The following PHF24 variants were observed in gnomAD, a reference collection of about 807,000 sequenced individuals.
The protein encoded by PHF24 is Galpha inhibitory interacting protein.
A neutral mutation model predicts 42.6 loss-of-function variants in PHF24; 25 were observed. That is an observed-to-expected ratio of 0.59 (90% confidence interval 0.43 to 0.82). The LOEUF is 0.82. Ranked by LOEUF, PHF24 falls within the 40% of genes least tolerant of loss-of-function variation. PHF24 has a pLI of 0.00. For synonymous variants in PHF24, 185 were observed against 204.8 expected (o/e 0.90, Z 0.83); for missense variants, 470 against 538.1 (o/e 0.87, Z 1.25).
At chr9:34,957,887 G>A (rs1290226010), upstream of PHF24, among the ~76,000 whole-genome samples, 1 of 151,056 alleles carries the variant, frequency 6.6e-6, no homozygotes, top group African/African-American at 2.4e-5. Context: ...CCCCCAAGGC[G>A]CCCCCTCCGG....
the PHF24 span, among the ~76,000 whole-genome samples, chr9:34,886,781 TA>T: frequency 7.6e-3 from 1,013 of 132,486 alleles, 1 homozygote; most frequent in African/African-American, 0.016. Flanking sequence ...TCTGTCTGTC[TA>T]CTCTGTCTAT....
the PHF24 span, among the ~76,000 whole-genome samples, chr9:34,788,180 G>A: frequency 2.6e-5 from 4 of 152,152 alleles, no homozygotes; most frequent in Middle Eastern, 3.4e-3. Flanking sequence ...TGGGACTACA[G>A]GTGTGCACCA....
chr9:34,848,209 G>A, the PHF24 span, among the ~76,000 whole-genome samples: 5 of 151,328 alleles, frequency 3.3e-5, no homozygotes, highest in Non-Finnish European at 5.9e-5. Flanking sequence ...GGTAGAATTC[G>A]GCTGTGAATC....
chr9:34,833,329 C>T, the PHF24 span: 40 of 1,551,158 alleles, frequency 2.6e-5, no homozygotes, highest in African/African-American at 1.6e-4. Flanking sequence ...TCTTGGAGAC[C>T]GAGTGGGCAG....
the PHF24 span, among the ~76,000 whole-genome samples, chr9:34,814,966 C>G: frequency 6.6e-6 from 1 of 152,168 alleles, no homozygotes. Flanking sequence ...GTCTCGAACT[C>G]CCGACCTCAG....
the PHF24 span, among the ~76,000 whole-genome samples, chr9:34,853,369 T>C: frequency 6.6e-6 from 1 of 152,180 alleles, no homozygotes; most frequent in African/African-American, 2.4e-5. Flanking sequence ...CTTGCCAGTA[T>C]CTTATTAAGG....
the PHF24 span, among the ~76,000 whole-genome samples, chr9:34,714,155 T>C: frequency 3.3e-5 from 5 of 152,168 alleles, no homozygotes; most frequent in African/African-American, 1.2e-4. Context: ...GGCTGAGACC[T>C]TAAGCAGGGC....
chr9:34,868,662 G>A, the PHF24 span, among the ~76,000 whole-genome samples: 6 of 152,206 alleles, frequency 3.9e-5, no homozygotes, highest in African/African-American at 1.4e-4. Flanking sequence ...TGATTAGGAG[G>A]CTGCTCATCA....
chr9:34,707,720 TCTC>T, the PHF24 span, among the ~76,000 whole-genome samples: 2 of 151,812 alleles, frequency 1.3e-5, no homozygotes. Flanking sequence ...TTCTTCTTCT[TCTC>T]CTCCTTTTTT....
chr9:34,676,256 G>C, the PHF24 span, among the ~76,000 whole-genome samples: 1 of 152,210 alleles, frequency 6.6e-6, no homozygotes, highest in Non-Finnish European at 1.5e-5. Flanking sequence ...GGGCATGGTG[G>C]CTCATGCCTG....
chr9:34,866,425 G>A, the PHF24 span, among the ~76,000 whole-genome samples: 1 of 152,094 alleles, frequency 6.6e-6, no homozygotes, highest in East Asian at 1.9e-4. Context: ...CTTTCAAGGT[G>A]GTCAGCAATT....
At chr9:34,886,798 C>G in the PHF24 span, among the ~76,000 whole-genome samples, 3 of 137,354 alleles carry the variant, frequency 2.2e-5, no homozygotes, top group East Asian at 6.5e-4. Context: ...TCTATCTACT[C>G]TATCTATGTA....
chr9:34,805,335 G>C, the PHF24 span, among the ~76,000 whole-genome samples: 1 of 152,174 alleles, frequency 6.6e-6, no homozygotes, highest in African/African-American at 2.4e-5. Flanking sequence ...CAATGTATGA[G>C]GGTTCTATTT....
chr9:34,677,774 T>G, the PHF24 span, among the ~76,000 whole-genome samples: 10 of 152,298 alleles, frequency 6.6e-5, no homozygotes, highest in African/African-American at 2.4e-4. Context: ...TCCTCACTCC[T>G]TCTTGTGGCC....
chr9:34,803,168 C>T, the PHF24 span, among the ~76,000 whole-genome samples: 1 of 152,166 alleles, frequency 6.6e-6, no homozygotes, highest in Non-Finnish European at 1.5e-5. Context: ...GTAGGTTCAG[C>T]TTGCCAATCA....
At chr9:34,669,354 C>T in the PHF24 span, among the ~76,000 whole-genome samples, 1 of 151,972 alleles carries the variant, frequency 6.6e-6, no homozygotes, top group African/African-American at 2.4e-5. Flanking sequence ...CCCTCCGTAC[C>T]GTTTAACCCC....
the PHF24 span, among the ~76,000 whole-genome samples, chr9:34,775,496 A>C: frequency 6.6e-6 from 1 of 152,228 alleles, no homozygotes; most frequent in African/African-American, 2.4e-5. Flanking sequence ...AATGCACTTA[A>C]TGCCAGTGAA....
chr9:34,721,399 T>TTCTCTCTCTCTCTC, the PHF24 span, among the ~76,000 whole-genome samples: 158 of 139,332 alleles, frequency 1.1e-3, 1 homozygote, highest in African/African-American at 3.8e-3. Flanking sequence ...TGTCTTTCCA[T>TTCTCTCTCTCTCTC]TCTCTCTCTC....
Position 34,976,712 on chromosome 9 carries a change from T to A in PHF24, c.821T>A (p.Leu274His), listed in dbSNP as rs200788542. Reference sequence around the variant, plus strand: ...CCTGACTTCTTGTCCCATGAGTCCCTCCTGCTTCTGCAGCAGTTGCGTCCC... The same window carrying A: ...CCTGACTTCTTGTCCCATGAGTCCCACCTGCTTCTGCAGCAGTTGCGTCCC... Residue 274 changes from leucine (L) to histidine (H), a missense_variant, in exon 5 of 8, where the codon CTC (leucine) becomes CAC (histidine). Leu to His is a moderately conservative substitution (Grantham distance 99, BLOSUM62 -3). Transcript: ENST00000242315. 5 of 1,613,872 alleles carry A rather than the reference T, an allele frequency of 3.1e-6. No homozygotes were observed. In the Admixed American group the frequency reaches 5.0e-5, roughly 16 times the overall value.
Sources: gnomAD v4.1 joint callset for allele counts (sites outside exome capture counted in the v4.1 genomes callset) on GRCh38, gnomAD v4.1.1 for gene constraint, MANE v1.5 for transcripts, NCBI Gene and HGNC (gene_info 2026-07-23, HGNC 2026-07-21) for gene names.